CEP135: variants seen among roughly 807,000 people sequenced by gnomAD.
The protein encoded by CEP135 is centrosomal protein 135.
Under a neutral mutation model 157.3 loss-of-function variants are expected in CEP135, and 142 were observed. The observed-to-expected ratio is 0.90, with a 90% confidence interval of 0.79 to 1.04. The LOEUF (loss-of-function observed/expected upper bound fraction) is 1.04. Among genes scored for constraint, CEP135 ranks in the 50% least tolerant of loss-of-function variants. The pLI, the probability that CEP135 is intolerant of heterozygous loss-of-function variation, is 0.00. For synonymous variants in CEP135, 396 were observed against 439.8 expected (o/e 0.90, Z 1.25); for missense variants, 1,317 against 1,309.2 (o/e 1.01, Z -0.09).
rs975710553 is a variant in CEP135, at chr4:56,023,705, CTG to C, written c.3321-794_3321-793del. Among the ~76,000 whole-genome samples, 22 of 138,664 alleles carry C rather than the reference CTG, an allele frequency of 1.6e-4. 1 individual carries two copies. Among genetic ancestry groups the C allele is most frequent in the Admixed American group, 1.2e-3 (16 of 13,232 alleles). 91.0% of individuals were successfully genotyped at this position (138,664 alleles called of 152,430 possible). ...TATCACATAATATATATATAATATA[CTG>C]TATATTATATGTAATATATATTGTA... On this transcript the variant is annotated intron_variant, in intron 24 of 25. Transcript: ENST00000257287.
intron 17 of CEP135, among the ~76,000 whole-genome samples, chr4:56,004,655 A>T (rs777634678): frequency 6.6e-6 from 1 of 152,210 alleles, no homozygotes; most frequent in Admixed American, 6.5e-5. Context: ...ATAATTCTAT[A>T]TAGTGACCTT....
chr4:56,021,453 G>T (rs566177516), intron 24 of CEP135, among the ~76,000 whole-genome samples: 1 of 152,042 alleles, frequency 6.6e-6, no homozygotes, highest in African/African-American at 2.4e-5. Context: ...TTTGCTTTAC[G>T]TTGAAAAATT....
chr4:55,962,176 T>C (rs1283073793), intron 6 of CEP135, among the ~76,000 whole-genome samples: 1 of 152,146 alleles, frequency 6.6e-6, no homozygotes, highest in Non-Finnish European at 1.5e-5. Flanking sequence ...CTCGGCTCAC[T>C]GCAAGCTCTT....
At chr4:55,992,173 CCTTTGTGCAGTAGTTTTAGAAGTTGG>C (rs1729821836) in intron 15 of CEP135, 88 bp downstream of exon 15, 29 of 1,293,232 alleles carry the variant, frequency 2.2e-5, no homozygotes, top group Non-Finnish European at 2.9e-5. Flanking sequence ...TTGGACTGGG[CCTTTGTGCAGTAGTTTTAGAAGTTGG>C]CTTTGCAGTA....
At chr4:56,017,415 T>C (rs1730812612) in intron 21 of CEP135, among the ~76,000 whole-genome samples, 1 of 152,156 alleles carries the variant, frequency 6.6e-6, no homozygotes, top group South Asian at 2.1e-4. Context: ...TCCAAATATA[T>C]AAATATATAC....
intron 17 of CEP135, 114 bp downstream of exon 17, chr4:55,999,759 C>G (rs1730099274): frequency 8.8e-6 from 9 of 1,028,302 alleles, no homozygotes; most frequent in Non-Finnish European, 1.3e-5. Context: ...GTGGCATGAT[C>G]ACAGCTCACT....
intron 19 of CEP135, 144 bp downstream of exon 19, chr4:56,010,047 G>T (rs964612488): frequency 4.3e-6 from 4 of 937,832 alleles, no homozygotes; most frequent in Admixed American, 2.9e-5. Context: ...TGTTTATCAG[G>T]GTATTAAAAA....
intron 14 of CEP135, among the ~76,000 whole-genome samples, chr4:55,987,220 A>T (rs551924798): frequency 6.6e-6 from 1 of 152,284 alleles, no homozygotes; most frequent in Non-Finnish European, 1.5e-5. Context: ...GGGCACAGGA[A>T]CTTTTCCTGG....
rs773388881 is a variant in CEP135, at chr4:56,031,804, T to C, written c.*456T>C. On this transcript the variant is annotated 3_prime_UTR_variant, in exon 26 of 26. Coordinates refer to ENST00000257287, the MANE Select transcript of CEP135 (RefSeq NM_025009.5). ...CAAAGAATTATCAACTTTGATGCTA[T>C]GCTGTCATGCTTAACTTTTTCTTCT... The C allele has an allele frequency of 3.9e-5, 6 of 152,190 alleles. No individual in the cohort carries two copies. The highest frequency in any genetic ancestry group is 7.4e-5 in the Non-Finnish European group (5 of 68,012). 9.4% of individuals were successfully genotyped at this position (152,190 alleles called of 1,614,324 possible). A position where few individuals can be genotyped will look rare whatever the true frequency, so the allele number is the denominator to read the frequency against.
chr4:55,988,660 A>AG (rs1335008235), intron 14 of CEP135, among the ~76,000 whole-genome samples: 2 of 122,406 alleles, frequency 1.6e-5, no homozygotes, highest in East Asian at 5.8e-4. Flanking sequence ...ACTCCGTCTC[A>AG]GAAAAAAAAA....
chr4:55,999,172 G>A, intron 15 of CEP135, 130 bp from the exon 16 acceptor site: 1 of 667,866 alleles, frequency 1.5e-6, no homozygotes. Context: ...TTATACTGGA[G>A]GAGCTTTAAA....
At chr4:55,994,256 G>A (rs1032429088) in intron 15 of CEP135, among the ~76,000 whole-genome samples, 14 of 152,172 alleles carry the variant, frequency 9.2e-5, no homozygotes, top group African/African-American at 3.4e-4. Context: ...TTAAGAAGCT[G>A]AGAGTCAGGG....
chr4:56,005,612 A>C (rs1438096550), intron 17 of CEP135, among the ~76,000 whole-genome samples: 1 of 152,198 alleles, frequency 6.6e-6, no homozygotes, highest in Non-Finnish European at 1.5e-5. Context: ...TTCATACTAG[A>C]ATTATAAGTG....
chr4:55,979,116 T>C (rs1470153511), intron 11 of CEP135, among the ~76,000 whole-genome samples: 1 of 152,226 alleles, frequency 6.6e-6, no homozygotes, highest in Non-Finnish European at 1.5e-5. Context: ...AGATGTTACA[T>C]AGTATAGGCC....
intron 11 of CEP135, among the ~76,000 whole-genome samples, chr4:55,977,974 A>T (rs1204856343): frequency 6.6e-6 from 1 of 152,236 alleles, no homozygotes; most frequent in Non-Finnish European, 1.5e-5. Context: ...GAATACAGAG[A>T]TGAAGACAGT....
At chr4:56,022,513 G>A (rs1731005109) in intron 24 of CEP135, among the ~76,000 whole-genome samples, 1 of 152,090 alleles carries the variant, frequency 6.6e-6, no homozygotes, top group Admixed American at 6.6e-5. Context: ...GGATAATCTG[G>A]GGAGGAAAAA....
At chr4:55,997,829 G>T (rs1730027014) in intron 15 of CEP135, among the ~76,000 whole-genome samples, 2 of 152,166 alleles carry the variant, frequency 1.3e-5, no homozygotes, top group African/African-American at 4.8e-5. Flanking sequence ...CCATGGAACA[G>T]CAGTTCTAGC....
chr4:55,973,097 A>G (rs1452456625), intron 10 of CEP135, among the ~76,000 whole-genome samples: 10 of 152,248 alleles, frequency 6.6e-5, no homozygotes, highest in African/African-American at 2.2e-4. Flanking sequence ...TAATCTTTCA[A>G]CTGTCTCAAA....
At chr4:56,002,204 C>T (rs1730198779) in intron 17 of CEP135, among the ~76,000 whole-genome samples, 3 of 151,918 alleles carry the variant, frequency 2.0e-5, no homozygotes, top group Admixed American at 2.0e-4. Context: ...GCTAATTTGA[C>T]TTCTTCTTTT....
Sources: allele counts gnomAD v4.1 joint callset (sites outside exome capture counted in the v4.1 genomes callset), GRCh38; gene constraint gnomAD v4.1.1; transcripts MANE v1.5; gene names NCBI Gene and HGNC (gene_info 2026-07-23, HGNC 2026-07-21).